ARHGAP26: variants seen among roughly 807,000 people sequenced by gnomAD.
ARHGAP26 encodes Rho GTPase activating protein 26, also known as rho GTPase-activating protein 26.
A neutral mutation model predicts 104.8 loss-of-function variants in ARHGAP26; 38 were observed. That is an observed-to-expected ratio of 0.36 (90% CI 0.28 to 0.48). The LOEUF is 0.48. Ranked by LOEUF, ARHGAP26 falls within the 20% of genes least tolerant of loss-of-function variation. The pLI is 0.99. For synonymous variants in ARHGAP26, 341 were observed against 340.0 expected, an observed-to-expected ratio of 1.00 and a Z score of -0.03; for missense variants, 704 against 947.9, an observed-to-expected ratio of 0.74 and a Z score of 3.38.
intron 14 of ARHGAP26, 84 bp downstream of exon 14, chr5:143,041,974 G>A (rs1325943429): frequency 3.3e-6 from 4 of 1,203,556 alleles, no homozygotes; most frequent in Non-Finnish European, 3.6e-6. Context: ...AGTAGATACA[G>A]CCTGTGGCAA....
chr5:143,018,748 CTT>C (rs1343425283), intron 12 of ARHGAP26, among the ~76,000 whole-genome samples: 1 of 152,154 alleles, frequency 6.6e-6, no homozygotes, highest in Non-Finnish European at 1.5e-5. Flanking sequence ...TGAGGCAACT[CTT>C]AATATCTAGT....
intron 11 of ARHGAP26, among the ~76,000 whole-genome samples, chr5:143,013,429 TG>T (rs1779156969): frequency 6.6e-6 from 1 of 152,242 alleles, no homozygotes; most frequent in African/African-American, 2.4e-5. Context: ...TTTTCTTTAT[TG>T]GGGTACTTTC....
At chr5:143,038,463 A>G (rs548055681) in intron 13 of ARHGAP26, among the ~76,000 whole-genome samples, 90 of 152,336 alleles carry the variant, frequency 5.9e-4, no homozygotes, top group Non-Finnish European at 1.0e-3. Flanking sequence ...CAGAGAATAT[A>G]AAGTAGAAGT....
At chr5:142,997,163 T>C (rs896311033) in intron 11 of ARHGAP26, among the ~76,000 whole-genome samples, 1 of 152,198 alleles carries the variant, frequency 6.6e-6, no homozygotes, top group Non-Finnish European at 1.5e-5. Flanking sequence ...TATATATATA[T>C]ACACACACGT....
chr5:143,182,581 C>G (rs1200871825), intron 20 of ARHGAP26, among the ~76,000 whole-genome samples: 1 of 152,184 alleles, frequency 6.6e-6, no homozygotes, highest in Non-Finnish European at 1.5e-5. Context: ...CTATGAACTC[C>G]TTTACCCAAA....
chr5:142,917,037 A>ATTTT (rs35921990), intron 10 of ARHGAP26, among the ~76,000 whole-genome samples: 1 of 135,426 alleles, frequency 7.4e-6, no homozygotes, highest in African/African-American at 2.8e-5. Context: ...AGACTTTGGA[A>ATTTT]TTTTTTTTTT....
chr5:142,959,169 A>G (rs1769788686), intron 11 of ARHGAP26, among the ~76,000 whole-genome samples: 2 of 152,236 alleles, frequency 1.3e-5, no homozygotes, highest in Non-Finnish European at 2.9e-5. Flanking sequence ...TTTATGCTCC[A>G]TTATGTCATG....
intron 20 of ARHGAP26, among the ~76,000 whole-genome samples, chr5:143,163,984 A>G (rs189296754): frequency 4.6e-4 from 70 of 151,972 alleles, no homozygotes; most frequent in African/African-American, 1.6e-3. Context: ...CATGTGTTGC[A>G]TTTTTGAAGT....
chr5:143,104,636 G>A (rs1407526316), intron 17 of ARHGAP26, among the ~76,000 whole-genome samples: 1 of 152,176 alleles, frequency 6.6e-6, no homozygotes, highest in Non-Finnish European at 1.5e-5. Context: ...TGCAATATTA[G>A]TGGAAACAAT....
At chr5:142,844,859 A>C (rs1382150329) in intron 1 of ARHGAP26, among the ~76,000 whole-genome samples, 1 of 151,886 alleles carries the variant, frequency 6.6e-6, no homozygotes, top group Non-Finnish European at 1.5e-5. Context: ...CGTCTCAAAA[A>C]AAAAAAAAAA....
At chr5:143,023,428 C>T (rs974884355) in intron 12 of ARHGAP26, among the ~76,000 whole-genome samples, 4 of 151,622 alleles carry the variant, frequency 2.6e-5, no homozygotes, top group Non-Finnish European at 5.9e-5. Context: ...TTGATGGGAT[C>T]GCCTGGGCCA....
Position 142,827,162 on chromosome 5 carries a change from A to G in ARHGAP26, c.155-46238A>G, listed in dbSNP as rs185619233. ...TATTTTTTTTCTAATGAAAAGCCGGAAGTTGCTTGGTGAGACCTGAGGAAT... is the reference window on the plus strand; with the variant it reads ...TATTTTTTTTCTAATGAAAAGCCGGGAGTTGCTTGGTGAGACCTGAGGAAT... On this transcript the variant is annotated intron_variant, in intron 1 of 22. Transcript: ENST00000645722. Among the ~76,000 whole-genome samples, 183 of 151,302 alleles carry G rather than the reference A, an allele frequency of 1.2e-3. 2 individuals carry two copies. Among genetic ancestry groups the G allele is most frequent in the African/African-American group, 3.9e-3 (162 of 41,166 alleles).
rs117393109 is a variant in ARHGAP26 at position 143,193,382 on chromosome 5, C to T, written c.1989-13816C>T. 1.8e-3 allele frequency among the ~76,000 whole-genome samples: 273 copies of T among 151,336 alleles called. 9 individuals are homozygous for T. In the East Asian group the frequency reaches 0.046, roughly 26 times the overall value. ...CCTGCCTTAGCCTCTTGAATAGCTG[C>T]GATCACAGGTATACAGCCACCAAAC... On this transcript the variant is annotated intron_variant, in intron 20 of 22. Coordinates refer to ENST00000645722, the MANE Select transcript of ARHGAP26 (RefSeq NM_001135608.3).
At chr5:142,942,460 G>A (rs1359986625) in intron 11 of ARHGAP26, among the ~76,000 whole-genome samples, 2 of 152,230 alleles carry the variant, frequency 1.3e-5, no homozygotes, top group Admixed American at 6.5e-5. Context: ...ATTTTGGGCT[G>A]TGTGCCTATA....
chr5:142,865,520 T>C lies in ARHGAP26; in HGVS notation c.155-7880T>C, dbSNP rs577176386. Among the ~76,000 whole-genome samples, 4 of 149,936 alleles carry C rather than the reference T, an allele frequency of 2.7e-5. No homozygotes were observed. In the South Asian group the frequency reaches 8.7e-4, roughly 33 times the overall value. ...TTTTTTTGAATCCCTTATAACTCTT[T>C]CCTTATCTCCTGGCTGACCAATGGT... On this transcript the variant is annotated intron_variant, in intron 1 of 22. Coordinates refer to ENST00000645722, the MANE Select transcript of ARHGAP26 (RefSeq NM_001135608.3).
chr5:142,946,094 T>A (rs1767058948), intron 11 of ARHGAP26, among the ~76,000 whole-genome samples: 1 of 152,212 alleles, frequency 6.6e-6, no homozygotes, highest in Non-Finnish European at 1.5e-5. Context: ...ATCTAGGTAA[T>A]AATTCATACA....
intron 17 of ARHGAP26, among the ~76,000 whole-genome samples, chr5:143,079,379 TAA>T (rs1789490246): frequency 6.6e-6 from 1 of 152,236 alleles, no homozygotes; most frequent in Non-Finnish European, 1.5e-5. Flanking sequence ...TATGTGTCTA[TAA>T]ACACCTTTGC....
chr5:143,088,752 T>G (rs934798405), intron 17 of ARHGAP26, among the ~76,000 whole-genome samples: 2 of 152,236 alleles, frequency 1.3e-5, no homozygotes, highest in African/African-American at 4.8e-5. Context: ...GGGGTTTTTA[T>G]CCCTGACATA....
At chr5:142,832,760 G>A (rs1481391961) in intron 1 of ARHGAP26, among the ~76,000 whole-genome samples, 1 of 152,140 alleles carries the variant, frequency 6.6e-6, no homozygotes, top group African/African-American at 2.4e-5. Flanking sequence ...TTATATCTTA[G>A]AAGGAAAGAA....
Sources: allele counts gnomAD v4.1 joint callset (sites outside exome capture counted in the v4.1 genomes callset), GRCh38; gene constraint gnomAD v4.1.1; transcripts MANE v1.5; gene names NCBI Gene and HGNC (gene_info 2026-07-23, HGNC 2026-07-21).